IMMP2L: variants seen among roughly 807,000 people sequenced by gnomAD.
IMMP2L encodes inner mitochondrial membrane peptidase subunit 2, also known as mitochondrial inner membrane protease subunit 2.
In IMMP2L, 18 loss-of-function variants were observed where a neutral mutation model predicts 19.3. That is an observed-to-expected ratio of 0.93 (90% CI 0.64 to 1.38). The LOEUF (loss-of-function observed/expected upper bound fraction) is 1.38. IMMP2L is among the 40% of genes most tolerant of loss of function. The probability of loss-of-function intolerance (pLI) is 0.00; values close to 1 mark genes in which losing one functional copy is unlikely to be tolerated. For synonymous variants in IMMP2L, 76 were observed against 73.0 expected (o/e 1.04, Z -0.21); for missense variants, 233 against 218.2 (o/e 1.07, Z -0.43).
intron 3 of IMMP2L, chr7:111,122,525 C>A (rs1182647729): frequency 4.3e-6 from 2 of 460,016 alleles, no homozygotes; most frequent in East Asian, 3.5e-5. Context: ...ACTCCACCTT[C>A]AAAAAGTACA....
chr7:111,417,122 T>A (rs1410976740), intron 3 of IMMP2L, among the ~76,000 whole-genome samples: 1 of 151,744 alleles, frequency 6.6e-6, no homozygotes, highest in Non-Finnish European at 1.5e-5. Context: ...CAGTACTTAT[T>A]TGACAGAGTT....
intron 4 of IMMP2L, among the ~76,000 whole-genome samples, chr7:110,948,513 G>A (rs1399123570): frequency 6.6e-6 from 1 of 152,136 alleles, no homozygotes; most frequent in African/African-American, 2.4e-5. Flanking sequence ...GCTTATAAAA[G>A]AAGCTATAAA....
At chr7:111,227,842 C>G (rs1267225783) in intron 3 of IMMP2L, among the ~76,000 whole-genome samples, 1 of 152,020 alleles carries the variant, frequency 6.6e-6, no homozygotes, top group Non-Finnish European at 1.5e-5. Flanking sequence ...CATAGTAACC[C>G]ATTTTAAAGT....
chr7:110,799,566 AC>A (rs975646263), intron 5 of IMMP2L, among the ~76,000 whole-genome samples: 1 of 152,020 alleles, frequency 6.6e-6, no homozygotes, highest in Non-Finnish European at 1.5e-5. Flanking sequence ...TTTGCATTTA[AC>A]ATATGATTGC....
At chr7:111,278,321 T>A (rs1412215822) in intron 3 of IMMP2L, among the ~76,000 whole-genome samples, 3 of 152,214 alleles carry the variant, frequency 2.0e-5, no homozygotes, top group Admixed American at 2.0e-4. Context: ...ACTCTTTATA[T>A]GAGACATGAG....
chr7:111,260,048 T>G (rs1562977634), intron 3 of IMMP2L, among the ~76,000 whole-genome samples: 1 of 152,144 alleles, frequency 6.6e-6, no homozygotes, highest in Non-Finnish European at 1.5e-5. Context: ...AGGACCTGCC[T>G]AAGGCTGTTT....
At chr7:110,970,688 G>A (rs1050287260) in intron 3 of IMMP2L, among the ~76,000 whole-genome samples, 4 of 152,162 alleles carry the variant, frequency 2.6e-5, no homozygotes, top group East Asian at 1.9e-4. Context: ...AAGCACCACC[G>A]CTCTGTTCCC....
At chr7:111,527,500 T>C (rs775102114) in intron 1 of IMMP2L, among the ~76,000 whole-genome samples, 1 of 152,206 alleles carries the variant, frequency 6.6e-6, no homozygotes, top group African/African-American at 2.4e-5. Context: ...TATTGTCTTT[T>C]AACTGTTTCT....
At chr7:110,833,122 A>T (rs1156905636) in intron 5 of IMMP2L, among the ~76,000 whole-genome samples, 1 of 152,164 alleles carries the variant, frequency 6.6e-6, no homozygotes, top group Non-Finnish European at 1.5e-5. Flanking sequence ...CTAGAACAAG[A>T]AAAAGTGGAG....
intron 5 of IMMP2L, among the ~76,000 whole-genome samples, chr7:110,694,711 G>T (rs189662615): frequency 2.6e-5 from 4 of 152,072 alleles, no homozygotes; most frequent in Non-Finnish European, 1.5e-5. Flanking sequence ...ATATATGATC[G>T]AGCAATTTCA....
intron 3 of IMMP2L, among the ~76,000 whole-genome samples, chr7:111,075,919 T>C (rs945694028): frequency 5.3e-5 from 8 of 152,234 alleles, no homozygotes; most frequent in African/African-American, 1.9e-4. Context: ...AATGTTTTAC[T>C]TTTGTTTACA....
intron 5 of IMMP2L, among the ~76,000 whole-genome samples, chr7:110,802,691 T>C (rs993720778): frequency 1.3e-5 from 2 of 152,106 alleles, no homozygotes; most frequent in Non-Finnish European, 2.9e-5. Context: ...TCAGTAAGTA[T>C]TTATTGAACA....
intron 5 of IMMP2L, among the ~76,000 whole-genome samples, chr7:110,856,771 C>G (rs1370605339): frequency 6.6e-6 from 1 of 151,976 alleles, no homozygotes; most frequent in African/African-American, 2.4e-5. Context: ...AAATCAGTGG[C>G]CTTTAATTAA....
intron 3 of IMMP2L, among the ~76,000 whole-genome samples, chr7:111,179,417 G>A (rs780438447): frequency 1.3e-5 from 2 of 151,826 alleles, no homozygotes; most frequent in African/African-American, 4.8e-5. Context: ...GGTAGTGTTC[G>A]TGTTTGTTAT....
chr7:110,719,869 CCACT>C (rs1296589437), intron 5 of IMMP2L, among the ~76,000 whole-genome samples: 1 of 152,144 alleles, frequency 6.6e-6, no homozygotes, highest in Non-Finnish European at 1.5e-5. Flanking sequence ...AAATCACCAC[CCACT>C]ATTTATAACA....
intron 3 of IMMP2L, among the ~76,000 whole-genome samples, chr7:111,420,027 A>T (rs754958519): frequency 1.3e-5 from 2 of 151,862 alleles, no homozygotes; most frequent in Non-Finnish European, 2.9e-5. Flanking sequence ...CTGCACCACA[A>T]TAAGAATGTA....
chr7:111,102,659 C>T lies in IMMP2L; in HGVS notation c.240-139094G>A, dbSNP rs183482161. On this transcript the variant is annotated intron_variant, in intron 3 of 5. Coordinates refer to ENST00000405709, the MANE Select transcript of IMMP2L (RefSeq NM_032549.4). ...AAGTATAATAAAAGAATGGAAACCA[C>T]AGAAATAGCAAGTTTGAAGTTTCAT... Among the ~76,000 whole-genome samples the T allele has an allele frequency of 3.4e-3, 513 of 151,518 alleles. 2 individuals are homozygous for T. Among genetic ancestry groups the T allele is most frequent in the Non-Finnish European group, 4.4e-3 (300 of 67,616 alleles).
intron 3 of IMMP2L, among the ~76,000 whole-genome samples, chr7:111,394,074 T>C (rs1832643615): frequency 6.6e-6 from 1 of 152,152 alleles, no homozygotes; most frequent in African/African-American, 2.4e-5. Context: ...GATGATAATA[T>C]AATTTTTAAA....
intron 5 of IMMP2L, among the ~76,000 whole-genome samples, chr7:110,691,805 A>T (rs190080411): frequency 2.6e-5 from 4 of 152,316 alleles, no homozygotes; most frequent in Non-Finnish European, 5.9e-5. Flanking sequence ...GTCAAAAAAC[A>T]ATAAATGTTG....
Sources: allele counts gnomAD v4.1 joint callset (sites outside exome capture counted in the v4.1 genomes callset), GRCh38; gene constraint gnomAD v4.1.1; transcripts MANE v1.5; gene names NCBI Gene and HGNC (gene_info 2026-07-23, HGNC 2026-07-21).